Variants in MKRN1 observed in about 807,000 individuals in gnomAD.
MKRN1 encodes makorin ring finger protein 1.
In MKRN1, 9 loss-of-function variants were observed where a neutral mutation model predicts 55.5. That is an observed-to-expected ratio of 0.16 (90% CI 0.10 to 0.28). MKRN1 has a LOEUF of 0.28. MKRN1 is among the 10% of genes least tolerant of loss of function. The pLI is 1.00. For missense variants in MKRN1, 488 were observed against 626.7 expected (o/e 0.78, Z 2.36); for synonymous variants, 253 against 235.9 (o/e 1.07, Z -0.66).
At chr7:140,461,899 C>T (rs1794631372) in intron 2 of MKRN1, among the ~76,000 whole-genome samples, 1 of 151,924 alleles carries the variant, frequency 6.6e-6, no homozygotes, top group African/African-American at 2.4e-5. Context: ...AGGAGAATCA[C>T]TTGAACCTGG....
At chr7:140,455,636 T>C (rs1261886526) in intron 6 of MKRN1, 154 bp downstream of exon 6, 3 of 637,554 alleles carry the variant, frequency 4.7e-6, no homozygotes, top group South Asian at 1.9e-5. Context: ...GCAAGATATA[T>C]ACTGGATGTT....
In MKRN1 at chr7:140,455,435, G is replaced by A; in HGVS notation, c.1098-202C>T. 3 of 626,832 alleles carry A rather than the reference G, an allele frequency of 4.8e-6. No homozygotes were observed. The South Asian group carries it at 6.4e-5, about 13-fold the overall frequency. The allele number at this position is 626,832 out of a possible 1,614,324, so 38.8% of individuals were successfully genotyped here. On this transcript the variant is annotated intron_variant, in intron 6 of 7. Transcript: ENST00000255977. ...CGGTAACTCTGTTCAAGTCTATGCT[G>A]GTTAATAGCTCTAGTACAAGCAGAT...
intron 6 of MKRN1, 103 bp downstream of exon 6, chr7:140,455,687 G>A: frequency 2.3e-6 from 2 of 885,660 alleles, no homozygotes; most frequent in South Asian, 1.5e-5. Flanking sequence ...AGTCAAAGAA[G>A]GGTAGGAAGG....
rs777223427 is a variant in MKRN1 at position 140,471,956 on chromosome 7, G to A, written c.241C>T (p.Leu81Phe). Residue 81 changes from leucine to phenylalanine, a missense_variant, in exon 2 of 8, where the codon CTC becomes TTC. Coordinates refer to ENST00000255977, the MANE Select transcript of MKRN1 (RefSeq NM_013446.4). ...EGDNCRYSHD[L>F]SDSPYSVVCK... ...ACTACACTATACGGACTGTCAGAGAGGTCATGCGAGTAGCGACAGTTGTCT... is the reference window on the plus strand; with the variant it reads ...ACTACACTATACGGACTGTCAGAGAAGTCATGCGAGTAGCGACAGTTGTCT... 9.3e-6 allele frequency: 15 copies of A among 1,614,018 alleles called. No individual in the cohort carries two copies. The highest frequency in any genetic ancestry group is 1.7e-5 in the Admixed American group (1 of 59,998).
rs1321135394 is a variant in MKRN1 at position 140,453,223 on chromosome 7, GAA to G, written c.*1292_*1293del. On this transcript the variant is annotated 3_prime_UTR_variant, in exon 8 of 8. Transcript: ENST00000255977. ...AGGAGCATCCCCGAGTTATTTTCAG[GAA>G]ACAGAGCAACAAAACACAAAGGTAC... The G allele has an allele frequency of 6.6e-6, 1 of 152,534 alleles. No homozygotes were observed. Among genetic ancestry groups the G allele is most frequent in the Non-Finnish European group, 1.5e-5 (1 of 68,032 alleles). The allele number at this position is 152,534 out of a possible 1,614,324, so 9.4% of individuals were successfully genotyped here. A position where few individuals can be genotyped will look rare whatever the true frequency, so the allele number is the denominator to read the frequency against.
intron 1 of MKRN1, among the ~76,000 whole-genome samples, chr7:140,477,152 T>C (rs991576669): frequency 7.4e-6 from 1 of 134,520 alleles, no homozygotes; most frequent in Non-Finnish European, 1.6e-5. Flanking sequence ...AAGGAGAAAA[T>C]AGTTTTAAGT....
intron 5 of MKRN1, 155 bp from the exon 6 acceptor site, chr7:140,456,055 C>A: frequency 1.1e-6 from 1 of 917,048 alleles, no homozygotes; most frequent in Non-Finnish European, 1.5e-6. Flanking sequence ...ACACAACTGA[C>A]CATTTCTTTC....
rs375578575 is a variant in MKRN1 at position 140,474,439 on chromosome 7, G to C, written c.186-2428C>G. 2.5e-5 allele frequency: 9 copies of C among 363,834 alleles called. No individual in the cohort carries two copies. In the East Asian group the frequency reaches 3.1e-4, roughly 13 times the overall value. 22.5% of individuals were successfully genotyped at this position (363,834 alleles called of 1,614,324 possible). On this transcript the variant is annotated intron_variant, in intron 1 of 7. Transcript: ENST00000255977. Reference sequence around the variant, plus strand: ...AATTGCTTGAACTCGCAGTGGGTTGGGGGGGGCCCAGAGGTTGCAGTGAAC... The same window carrying C: ...AATTGCTTGAACTCGCAGTGGGTTGCGGGGGGCCCAGAGGTTGCAGTGAAC...
chr7:140,479,424 G>C lies in MKRN1; in HGVS notation c.-80C>G. On this transcript the variant is annotated 5_prime_UTR_variant, in exon 1 of 8. Transcript: ENST00000255977. Reference sequence around the variant, plus strand: ...GGTCCGGCTGCGGGGAGAGGACGGCGAGGCCAGGCGAGGGGAGGGGAAGGA... The same window carrying C: ...GGTCCGGCTGCGGGGAGAGGACGGCCAGGCCAGGCGAGGGGAGGGGAAGGA... 1 of 1,237,244 alleles carries C rather than the reference G, an allele frequency of 8.1e-7. No homozygotes were observed. Among genetic ancestry groups the C allele is most frequent in the Non-Finnish European group, 1.0e-6 (1 of 982,284 alleles). 76.6% of individuals were successfully genotyped at this position (1,237,244 alleles called of 1,614,324 possible). A position where few individuals can be genotyped will look rare whatever the true frequency, so the allele number is the denominator to read the frequency against.
intron 1 of MKRN1, chr7:140,478,086 A>G (rs1458287358): frequency 6.6e-6 from 1 of 152,206 alleles, no homozygotes; most frequent in Non-Finnish European, 1.5e-5. Context: ...AAGGTTTCAA[A>G]TTTCACCCTT....
chr7:140,468,464 G>T (rs1422747783), intron 2 of MKRN1, among the ~76,000 whole-genome samples: 3 of 150,010 alleles, frequency 2.0e-5, no homozygotes, highest in Non-Finnish European at 4.4e-5. Context: ...ACTTTGGGAG[G>T]CCGAGGCAGG....
chr7:140,477,274 C>T (rs1157529573), intron 1 of MKRN1, among the ~76,000 whole-genome samples: 2 of 151,928 alleles, frequency 1.3e-5, no homozygotes, highest in South Asian at 4.1e-4. Flanking sequence ...AAAAGCTATA[C>T]AAAAAACCCC....
chr7:140,474,007 AAGAAAGAAAGAAAGAAAGAAAGAAAG>A (rs1384561839), intron 1 of MKRN1, among the ~76,000 whole-genome samples: 1 of 21,758 alleles, frequency 4.6e-5, no homozygotes, highest in African/African-American at 4.1e-4. Flanking sequence ...AAAAAAAAAA[AAGAAAGAAAGAAAGAAAGAAAGAAAG>A]AAAGAAAGAA....
At chr7:140,479,000 G>T in intron 1 of MKRN1, 160 bp downstream of exon 1, 1 of 893,624 alleles carries the variant, frequency 1.1e-6, no homozygotes, top group Non-Finnish European at 1.5e-6. Context: ...GGGGAACGCG[G>T]CGGCAGCGGG....
rs1794393009 is a variant in MKRN1 at position 140,453,626 on chromosome 7, T to C, written c.*891A>G. The C allele has an allele frequency of 6.6e-6, 1 of 152,354 alleles. No individual in the cohort carries two copies. The highest frequency in any genetic ancestry group is 2.4e-5 in the African/African-American group (1 of 41,458). The allele number at this position is 152,354 out of a possible 1,614,324, so 9.4% of individuals were successfully genotyped here. A position where few individuals can be genotyped will look rare whatever the true frequency, so the allele number is the denominator to read the frequency against. On this transcript the variant is annotated 3_prime_UTR_variant, in exon 8 of 8. Coordinates refer to ENST00000255977, the MANE Select transcript of MKRN1 (RefSeq NM_013446.4). ...TTTAACCTCTATGGCTAACCCCATT[T>C]CTCTATTTATATAGACAGAGCTAGC...
intron 2 of MKRN1, among the ~76,000 whole-genome samples, chr7:140,460,668 A>G (rs918083964): frequency 6.6e-6 from 1 of 152,184 alleles, no homozygotes; most frequent in African/African-American, 2.4e-5. Flanking sequence ...GAGTGCAGAG[A>G]GAAGCCTATG....
At chr7:140,467,662 A>G (rs963951287) in intron 2 of MKRN1, among the ~76,000 whole-genome samples, 4 of 152,144 alleles carry the variant, frequency 2.6e-5, no homozygotes, top group Non-Finnish European at 5.9e-5. Context: ...CTCTGGTCTC[A>G]AACTATTTGG....
intron 5 of MKRN1, 123 bp downstream of exon 5, chr7:140,456,529 T>C: frequency 6.8e-7 from 1 of 1,471,554 alleles, no homozygotes; most frequent in South Asian, 1.4e-5. Flanking sequence ...CCCATTAGAA[T>C]ATCCCAGTTT....
chr7:140,456,785 T>C lies in MKRN1; in HGVS notation c.853A>G (p.Met285Val), dbSNP rs918275518. The change falls in exon 5 of 8, where the codon ATG (methionine) becomes GTG (valine). Residue 285 changes from methionine (M) to valine (V), a missense_variant. Coordinates refer to ENST00000255977, the MANE Select transcript of MKRN1 (RefSeq NM_013446.4). ...RSKDMVCGIC[M>V]EVVYEKANPS... ...TTGGCTTTCTCATAGACCACCTCCA[T>C]GCAGATCCCACACACCATGTCCTTG... The C allele has an allele frequency of 3.7e-6, 6 of 1,613,988 alleles. No homozygotes were observed. The highest frequency in any genetic ancestry group is 4.2e-6 in the Non-Finnish European group (5 of 1,179,926).
Sources: allele counts gnomAD v4.1 joint callset (sites outside exome capture counted in the v4.1 genomes callset), GRCh38; gene constraint gnomAD v4.1.1; transcripts MANE v1.5; gene names NCBI Gene and HGNC (gene_info 2026-07-23, HGNC 2026-07-21).